Variants in OTOR observed in about 807,000 individuals in gnomAD.
The protein encoded by OTOR is fibrocyte-derived protein.
Under a neutral mutation model 15.9 loss-of-function variants are expected in OTOR, and 20 were observed. The observed-to-expected ratio is 1.26, with a 90% CI of 0.89 to 1.83. OTOR has a LOEUF of 1.83. Ranked by LOEUF, OTOR falls within the 40% of genes most tolerant of loss-of-function variation. The pLI is 0.00. For synonymous variants in OTOR, 53 were observed against 54.2 expected, an observed-to-expected ratio of 0.98 and a Z score of 0.09; for missense variants, 184 against 159.0, an observed-to-expected ratio of 1.16 and a Z score of -0.85.
At chr20:16,751,053 G>A (rs6111269) in intron 3 of OTOR, 42 bp from the exon 4 acceptor site, 1 of 1,461,714 alleles carries the variant, frequency 6.8e-7, no homozygotes, top group South Asian at 1.3e-5. Context: ...TTTTAGCCTA[G>A]GCTATTTCGT....
chr20:16,751,458 A>G lies in OTOR; in HGVS notation c.*340A>G. On this transcript the variant is annotated 3_prime_UTR_variant, in exon 4 of 4. Coordinates refer to ENST00000246081, the MANE Select transcript of OTOR (RefSeq NM_020157.4). Reference sequence around the variant, plus strand: ...GTATGTGTAGTTATTTCTAAGTAGTAATTCTTCCCAGCTCTTTGATTTGCC... The same window carrying G: ...GTATGTGTAGTTATTTCTAAGTAGTGATTCTTCCCAGCTCTTTGATTTGCC... The G allele has an allele frequency of 4.5e-6, 1 of 220,032 alleles. No homozygotes were observed. The highest frequency in any genetic ancestry group is 8.8e-6 in the Non-Finnish European group (1 of 113,428). 13.6% of individuals were successfully genotyped at this position (220,032 alleles called of 1,614,324 possible).
chr20:16,751,171 G>A lies in OTOR; in HGVS notation c.*53G>A, dbSNP rs755886627. On this transcript the variant is annotated 3_prime_UTR_variant, in exon 4 of 4. Coordinates refer to ENST00000246081, the MANE Select transcript of OTOR (RefSeq NM_020157.4). ...GAAAACACCAAAAATAAAGAAAAGA[G>A]CAAAAGTGGCCAAAAAATGCATGTC... The A allele has an allele frequency of 3.9e-6, 5 of 1,285,336 alleles. No individual in the cohort carries two copies. Among genetic ancestry groups the A allele is most frequent in the Admixed American group, 5.2e-5 (2 of 38,146 alleles). 79.6% of individuals were successfully genotyped at this position (1,285,336 alleles called of 1,614,324 possible).
chr20:16,749,786 T>A, intron 2 of OTOR, 117 bp from the exon 3 acceptor site: 1 of 680,148 alleles, frequency 1.5e-6, no homozygotes. Flanking sequence ...GACCCCGGAG[T>A]GAAAGGGAGG....
Position 16,749,009 on chromosome 20 carries a change from A to AAGAAG in OTOR, c.255+6_255+7insAGAGA. On this transcript the variant is annotated splice_donor_region_variant and intron_variant, in intron 2 of 3. Transcript: ENST00000246081. ...CTGGAGAATTTTGGGCTGGCAGTGT[A>AAGAAG]AGATAATTTAAACACCTATTGACGA... The AAGAAG allele has an allele frequency of 6.3e-7, 1 of 1,590,342 alleles. No homozygotes were observed. Among genetic ancestry groups the AAGAAG allele is most frequent in the Non-Finnish European group, 8.5e-7 (1 of 1,171,060 alleles).
chr20:16,749,011 G>GATGAA lies in OTOR; in HGVS notation c.255+7_255+8insGAAAT, dbSNP rs2122519590. ...GGAGAATTTTGGGCTGGCAGTGTAA[G>GATGAA]ATAATTTAAACACCTATTGACGAAT... On this transcript the variant is annotated splice_donor_region_variant and intron_variant, in intron 2 of 3. Transcript: ENST00000246081. 6.3e-7 allele frequency: 1 copy of GATGAA among 1,597,832 alleles called. No individual in the cohort carries two copies.
At chr20:16,750,063 G>A in intron 3 of OTOR, 53 bp downstream of exon 3, 3 of 1,215,202 alleles carry the variant, frequency 2.5e-6, no homozygotes, top group South Asian at 2.5e-5. Context: ...GGCAATGTAG[G>A]CCGGTGTTAA....
Position 16,752,017 on chromosome 20 carries a change from G to A in OTOR, c.*899G>A, listed in dbSNP as rs1030704182. On this transcript the variant is annotated 3_prime_UTR_variant, in exon 4 of 4. Coordinates refer to ENST00000246081, the MANE Select transcript of OTOR (RefSeq NM_020157.4). ...ATATATCAAGAAATCTGAGGAGGAT[G>A]CAGGTTTTGTGGTCCTGATGGGCCC... is the stretch of plus-strand genomic sequence containing the variant. 9.2e-5 allele frequency: 14 copies of A among 152,162 alleles called. No homozygotes were observed. The highest frequency in any genetic ancestry group is 1.8e-4 in the Non-Finnish European group (12 of 68,020). The allele number at this position is 152,162 out of a possible 1,614,324, so 9.4% of individuals were successfully genotyped here. A position where few individuals can be genotyped will look rare whatever the true frequency, so the allele number is the denominator to read the frequency against.
In OTOR at chr20:16,751,075, T is replaced by G; in HGVS notation, c.364-20T>G. On this transcript the variant is annotated intron_variant, in intron 3 of 3. Coordinates refer to ENST00000246081, the MANE Select transcript of OTOR (RefSeq NM_020157.4). Reference sequence around the variant, plus strand: ...CTAGGCTATTTCGTTCAATCTTTTTTTGTTTTTGTTTTTTTCCAGGATATT... The same window carrying G: ...CTAGGCTATTTCGTTCAATCTTTTTGTGTTTTTGTTTTTTTCCAGGATATT... The G allele has an allele frequency of 6.5e-7, 1 of 1,527,154 alleles. No homozygotes were observed. The highest frequency in any genetic ancestry group is 8.9e-7 in the Non-Finnish European group (1 of 1,126,902). The allele number at this position is 1,527,154 out of a possible 1,614,324, so 94.6% of individuals were successfully genotyped here. A position where few individuals can be genotyped will look rare whatever the true frequency, so the allele number is the denominator to read the frequency against.
At chr20:16,749,286 G>T (rs1371228702) in intron 2 of OTOR, 1 of 246,818 alleles carries the variant, frequency 4.1e-6, no homozygotes, top group East Asian at 8.4e-5. Flanking sequence ...ATCCGAAAAC[G>T]TCTGAGAAGA....
chr20:16,750,587 G>GA (rs779146936), intron 3 of OTOR, among the ~76,000 whole-genome samples: 1 of 151,942 alleles, frequency 6.6e-6, no homozygotes, highest in Non-Finnish European at 1.5e-5. Flanking sequence ...AAGATAGGCT[G>GA]AAAAAAAATT....
intron 2 of OTOR, chr20:16,749,244 G>C (rs1440102803): frequency 5.8e-6 from 2 of 342,010 alleles, no homozygotes; most frequent in Admixed American, 4.7e-5. Context: ...CAAATACATG[G>C]GGGCTTAAAC....
chr20:16,749,669 A>G (rs2072515377), intron 2 of OTOR: 2 of 475,202 alleles, frequency 4.2e-6, no homozygotes, highest in South Asian at 8.2e-5. Context: ...AAATAAAGTC[A>G]TGCTAAAGTA....
chr20:16,751,110 T>A lies in OTOR; in HGVS notation c.379T>A (p.Cys127Ser), dbSNP rs374932227. 6.5e-7 allele frequency: 1 copy of A among 1,547,228 alleles called. No individual in the cohort carries two copies. The highest frequency in any genetic ancestry group is 1.4e-5 in the African/African-American group (1 of 72,284). The change falls in exon 4 of 4, where the codon TGC becomes AGC. Residue 127 changes from cysteine to serine, a missense_variant. Coordinates refer to ENST00000246081, the MANE Select transcript of OTOR (RefSeq NM_020157.4). ...EVPTTDIDFF[C>S]E ...TTTTTTCCAGGATATTGACTTCTTC[T>A]GCGAGTAATAAATTAGTTAAAACTG...
Position 16,748,921 on chromosome 20 carries a change from T to G in OTOR, c.170T>G (p.Phe57Cys). 6.2e-7 allele frequency: 1 copy of G among 1,611,708 alleles called. No homozygotes were observed. The highest frequency in any genetic ancestry group is 1.3e-5 in the African/African-American group (1 of 74,874). Reference protein sequence around the residue: ...QEDYNAPDCRFINVKKGQQIY... With the variant: ...QEDYNAPDCRCINVKKGQQIY... ...GATTATAATGCCCCGGACTGTAGAT[T>G]CATTAACGTTAAAAAAGGGCAGCAG... The change falls in exon 2 of 4, where the codon TTC becomes TGC. Residue 57 changes from phenylalanine to cysteine, a missense_variant. Coordinates refer to ENST00000246081, the MANE Select transcript of OTOR (RefSeq NM_020157.4).
In OTOR at chr20:16,748,453, G is replaced by A. The variant is rs2072506135; in HGVS notation, c.52G>A (p.Val18Met). ...CCCGGGTCTTGTGGCTGTATGTGCT[G>A]TGCATGGAATATTTATGGACCGTCT... ...FLPGLVAVCA[V>M]HGIFMDRLAS... is the part of the protein sequence containing the mutation. The change falls in exon 1 of 4, where the codon GTG becomes ATG. Residue 18 changes from valine (V) to methionine (M), a missense_variant. By Grantham distance (21) the Val-to-Met change is conservative (BLOSUM62 1). Coordinates refer to ENST00000246081, the MANE Select transcript of OTOR (RefSeq NM_020157.4). The A allele has an allele frequency of 1.2e-6, 2 of 1,613,710 alleles. No homozygotes were observed. The highest frequency in any genetic ancestry group is 1.7e-5 in the Admixed American group (1 of 59,988).
Position 16,748,903 on chromosome 20 carries a change from A to G in OTOR, c.152A>G (p.Asn51Ser). 1 of 1,604,602 alleles carries G rather than the reference A, an allele frequency of 6.2e-7. No individual in the cohort carries two copies. Among genetic ancestry groups the G allele is most frequent in the Non-Finnish European group, 8.5e-7 (1 of 1,176,856 alleles). Residue 51 changes from asparagine (N) to serine (S), a missense_variant, in exon 2 of 4, where the codon AAT (asparagine) becomes AGT (serine). Physicochemically the swap from Asn to Ser is conservative, Grantham distance 46. Coordinates refer to ENST00000246081, the MANE Select transcript of OTOR (RefSeq NM_020157.4). ...ISLASAQEDY[N>S]APDCRFINVK... ...CTGGCTAGTGCTCAAGAAGATTATAATGCCCCGGACTGTAGATTCATTAAC... is the reference window on the plus strand; with the variant it reads ...CTGGCTAGTGCTCAAGAAGATTATAGTGCCCCGGACTGTAGATTCATTAAC...
chr20:16,748,439 T>A lies in OTOR; in HGVS notation c.38T>A (p.Val13Glu). ...RILLLFLPGL[V>E]AVCAVHGIFM... ...TTGTTACTTTTCCTCCCGGGTCTTG[T>A]GGCTGTATGTGCTGTGCATGGAATA... is the stretch of plus-strand genomic sequence containing the variant. The change falls in exon 1 of 4, where the codon GTG becomes GAG. Residue 13 changes from valine to glutamate, a missense_variant. Val to Glu is a moderately radical substitution (Grantham distance 121). Transcript: ENST00000246081. 1 of 1,613,590 alleles carries A rather than the reference T, an allele frequency of 6.2e-7. No homozygotes were observed. Among genetic ancestry groups the A allele is most frequent in the Non-Finnish European group, 8.5e-7 (1 of 1,179,518 alleles).
At chr20:16,749,762 C>G in intron 2 of OTOR, 141 bp from the exon 3 acceptor site, 2 of 605,212 alleles carry the variant, frequency 3.3e-6, no homozygotes. Context: ...TCGGATTTGC[C>G]GCAGCGCCCC....
chr20:16,749,387 C>G (rs2122520222), intron 2 of OTOR: 1 of 170,418 alleles, frequency 5.9e-6, no homozygotes, highest in Non-Finnish European at 1.2e-5. Flanking sequence ...TCGAAAGAAT[C>G]AGCGTTCTTC....
Sources: allele counts gnomAD v4.1 joint callset (sites outside exome capture counted in the v4.1 genomes callset), GRCh38; gene constraint gnomAD v4.1.1; transcripts MANE v1.5; gene names NCBI Gene and HGNC (gene_info 2026-07-23, HGNC 2026-07-21).